Variants in CHRM3 observed in about 807,000 individuals in gnomAD.
The protein encoded by CHRM3 is muscarinic acetylcholine receptor M3.
CHRM3 carries 11 observed loss-of-function variants against 41.8 expected under a neutral mutation model. The ratio of observed to expected loss-of-function variants is 0.26; its 90% confidence interval spans 0.17 to 0.44. CHRM3 has a LOEUF of 0.44. CHRM3 is among the 20% of genes least tolerant of loss of function. The probability of loss-of-function intolerance (pLI) is 1.00; values close to 1 mark genes in which losing one functional copy is unlikely to be tolerated. For synonymous variants in CHRM3, 297 were observed against 301.4 expected (o/e 0.99, Z 0.15); for missense variants, 571 against 745.4 (o/e 0.77, Z 2.72).
At chr1:239,520,915 A>G (rs1227044115) in intron 2 of CHRM3, among the ~76,000 whole-genome samples, 2 of 152,280 alleles carry the variant, frequency 1.3e-5, no homozygotes, top group Admixed American at 6.5e-5. Context: ...AGGGTTTCCA[A>G]TATATCCTGA....
intron 3 of CHRM3, among the ~76,000 whole-genome samples, chr1:239,622,589 A>G (rs1457313946): frequency 6.6e-6 from 1 of 152,184 alleles, no homozygotes; most frequent in East Asian, 1.9e-4. Context: ...AGAAACAGCA[A>G]GAGAACTAGA....
chr1:239,741,285 A>G (rs886540236), intron 5 of CHRM3, among the ~76,000 whole-genome samples: 7 of 152,146 alleles, frequency 4.6e-5, no homozygotes, highest in African/African-American at 1.7e-4. Flanking sequence ...AATAGTAATA[A>G]ACTTGGGAGA....
intron 3 of CHRM3, among the ~76,000 whole-genome samples, chr1:239,613,239 G>C (rs1323037042): frequency 6.6e-6 from 1 of 152,180 alleles, no homozygotes; most frequent in Non-Finnish European, 1.5e-5. Context: ...TGCATGTAGG[G>C]TGTGCACAAG....
chr1:239,866,106 G>C (rs999217472), intron 6 of CHRM3, among the ~76,000 whole-genome samples: 2 of 152,100 alleles, frequency 1.3e-5, no homozygotes, highest in Non-Finnish European at 2.9e-5. Flanking sequence ...GGCCGGGCAC[G>C]GTGGCTCACG....
intron 1 of CHRM3, among the ~76,000 whole-genome samples, chr1:239,456,507 G>A (rs993028044): frequency 6.6e-6 from 1 of 152,122 alleles, no homozygotes; most frequent in Non-Finnish European, 1.5e-5. Context: ...CACCGTCTAG[G>A]CTTGTGTACA....
At chr1:239,677,253 A>G (rs548725699) in intron 4 of CHRM3, among the ~76,000 whole-genome samples, 1 of 152,208 alleles carries the variant, frequency 6.6e-6, no homozygotes, top group Non-Finnish European at 1.5e-5. Context: ...CCAAGCCTCT[A>G]CTTAATATTT....
chr1:239,426,256 T>C (rs926703561), intron 1 of CHRM3, among the ~76,000 whole-genome samples: 2 of 147,682 alleles, frequency 1.4e-5, no homozygotes, highest in African/African-American at 5.0e-5. Context: ...GACTGTAAAC[T>C]AGTTCAACCA....
At chr1:239,515,026 CAT>C (rs1669164366) in intron 2 of CHRM3, among the ~76,000 whole-genome samples, 1 of 152,054 alleles carries the variant, frequency 6.6e-6, no homozygotes, top group South Asian at 2.1e-4. Flanking sequence ...TTTGTCAGCA[CAT>C]ATGTCGTATA....
intron 3 of CHRM3, among the ~76,000 whole-genome samples, chr1:239,612,371 C>A (rs1667170396): frequency 1.3e-5 from 2 of 152,094 alleles, no homozygotes; most frequent in South Asian, 4.1e-4. Flanking sequence ...TGAATTGTCA[C>A]CTCCATAAAC....
rs542284923 is a variant in CHRM3, at chr1:239,808,988, G to A, written c.-146-18264G>A. On this transcript the variant is annotated intron_variant, in intron 5 of 6. Transcript: ENST00000676153. ...GGTGAGTTGATATTTCCCTCACCCT[G>A]TCAAAGTCTGGGTCTTTGACTCTGA... is the stretch of plus-strand genomic sequence containing the variant. 2.1e-4 allele frequency among the ~76,000 whole-genome samples: 32 copies of A among 149,558 alleles called. No homozygotes were observed. The South Asian group carries it at 6.6e-3, about 31-fold the overall frequency.
intron 2 of CHRM3, among the ~76,000 whole-genome samples, chr1:239,529,758 G>A (rs12144839): frequency 1.3e-5 from 2 of 151,876 alleles, no homozygotes; most frequent in African/African-American, 4.8e-5. Context: ...TAACCTAATA[G>A]CCATTATCTT....
chr1:239,556,340 T>C (rs1454324485), intron 3 of CHRM3, among the ~76,000 whole-genome samples: 1 of 152,154 alleles, frequency 6.6e-6, no homozygotes. Context: ...TTTTAGCTTT[T>C]TTAAAAAATA....
intron 3 of CHRM3, among the ~76,000 whole-genome samples, chr1:239,618,648 T>C (rs569867386): frequency 1.1e-4 from 16 of 151,390 alleles, no homozygotes; most frequent in South Asian, 4.2e-4. Context: ...ATCGAGACCA[T>C]CCTGGCTAAC....
intron 1 of CHRM3, among the ~76,000 whole-genome samples, chr1:239,487,825 C>T (rs1278294765): frequency 9.4e-6 from 1 of 106,220 alleles, no homozygotes; most frequent in Non-Finnish European, 2.1e-5. Context: ...AATACAAAGT[C>T]AAATGACAAA....
At chr1:239,679,027 G>GATA in intron 5 of CHRM3, among the ~76,000 whole-genome samples, 1 of 148,780 alleles carries the variant, frequency 6.7e-6, no homozygotes, top group South Asian at 2.2e-4. Context: ...GTAGATAGAT[G>GATA]GATAGATAGA....
intron 1 of CHRM3, among the ~76,000 whole-genome samples, chr1:239,474,770 T>C (rs1666356806): frequency 5.3e-5 from 8 of 152,108 alleles, no homozygotes; most frequent in Admixed American, 5.2e-4. Flanking sequence ...GGCTACTGCA[T>C]ACAAAGAACC....
intron 4 of CHRM3, among the ~76,000 whole-genome samples, chr1:239,674,097 A>G (rs570726586): frequency 6.6e-6 from 1 of 152,324 alleles, no homozygotes; most frequent in East Asian, 1.9e-4. Flanking sequence ...TCTGATCCCA[A>G]GCATTTCAGA....
At chr1:239,433,877 G>T (rs573286460) in intron 1 of CHRM3, among the ~76,000 whole-genome samples, 1 of 152,038 alleles carries the variant, frequency 6.6e-6, no homozygotes, top group African/African-American at 2.4e-5. Flanking sequence ...TGGGCATTTG[G>T]GCTGGTTCCA....
At chr1:239,640,659 T>C (rs1425533236) in intron 4 of CHRM3, among the ~76,000 whole-genome samples, 2 of 150,032 alleles carry the variant, frequency 1.3e-5, no homozygotes, top group East Asian at 3.9e-4. Context: ...TCTCTCTTTT[T>C]TTCTTTATTA....
Sources: gnomAD v4.1 joint callset for allele counts (sites outside exome capture counted in the v4.1 genomes callset) on GRCh38, gnomAD v4.1.1 for gene constraint, MANE v1.5 for transcripts, NCBI Gene and HGNC (gene_info 2026-07-23, HGNC 2026-07-21) for gene names.